Variants in VEGFC observed in about 807,000 individuals in gnomAD.
VEGFC encodes the protein vascular endothelial growth factor C.
A neutral mutation model predicts 46.1 loss-of-function variants in VEGFC; 12 were observed. The observed-to-expected ratio is 0.26, with a 90% CI of 0.17 to 0.42. The LOEUF is 0.42. VEGFC is among the 10% of genes least tolerant of loss of function. The pLI, the probability that VEGFC is intolerant of heterozygous loss-of-function variation, is 1.00. For missense variants in VEGFC, 488 were observed against 529.4 expected (o/e 0.92, Z 0.77); for synonymous variants, 232 against 195.5 (o/e 1.19, Z -1.56).
intron 1 of VEGFC, among the ~76,000 whole-genome samples, chr4:176,769,418 C>G (rs1735686807): frequency 6.6e-6 from 1 of 152,136 alleles, no homozygotes; most frequent in South Asian, 2.1e-4. Flanking sequence ...CACAGAAAAG[C>G]TCACAGAACA....
chr4:176,693,021 T>C (rs533777248), intron 4 of VEGFC, among the ~76,000 whole-genome samples: 1 of 151,356 alleles, frequency 6.6e-6, no homozygotes, highest in Admixed American at 6.6e-5. Context: ...ACCACAAAGA[T>C]GGGGAAAAAA....
chr4:176,770,979 T>TACACACACAC (rs148140472), intron 1 of VEGFC, among the ~76,000 whole-genome samples: 3,150 of 148,480 alleles, frequency 0.021, 74 homozygotes, highest in African/African-American at 0.05. Context: ...AAGTAACTGA[T>TACACACACAC]ACACACACAC....
chr4:176,769,746 A>G (rs551024487), intron 1 of VEGFC, among the ~76,000 whole-genome samples: 1 of 152,136 alleles, frequency 6.6e-6, no homozygotes, highest in South Asian at 2.1e-4. Flanking sequence ...CGTATACACT[A>G]TTTTGCCCAG....
At chr4:176,735,628 A>G (rs780636496) in intron 1 of VEGFC, among the ~76,000 whole-genome samples, 2 of 151,900 alleles carry the variant, frequency 1.3e-5, no homozygotes, top group Non-Finnish European at 2.9e-5. Context: ...GTTCAATGGA[A>G]ATTGTGAAAC....
At chr4:176,722,947 T>C (rs542680896) in intron 3 of VEGFC, among the ~76,000 whole-genome samples, 1 of 152,164 alleles carries the variant, frequency 6.6e-6, no homozygotes, top group African/African-American at 2.4e-5. Context: ...ATTAGACCAA[T>C]GCAGAAAATG....
At chr4:176,714,884 A>C (rs529098998) in intron 3 of VEGFC, among the ~76,000 whole-genome samples, 1 of 152,366 alleles carries the variant, frequency 6.6e-6, no homozygotes, top group South Asian at 2.1e-4. Flanking sequence ...ATTCACATTA[A>C]GAAAGCATCT....
chr4:176,696,507 A>C (rs1242453612), intron 4 of VEGFC, among the ~76,000 whole-genome samples: 8 of 149,052 alleles, frequency 5.4e-5, no homozygotes. Context: ...ATGGAAGAAC[A>C]TTCCATGCTC....
chr4:176,703,411 A>G (rs1307567250), intron 4 of VEGFC, among the ~76,000 whole-genome samples: 1 of 152,028 alleles, frequency 6.6e-6, no homozygotes, highest in Non-Finnish European at 1.5e-5. Context: ...CTCATTTATG[A>G]GAGCCAAAAA....
chr4:176,736,575 C>G (rs1735058331), intron 1 of VEGFC, among the ~76,000 whole-genome samples: 1 of 151,608 alleles, frequency 6.6e-6, no homozygotes, highest in South Asian at 2.1e-4. Flanking sequence ...CGTAACACTT[C>G]ATAAGTATTA....
intron 3 of VEGFC, among the ~76,000 whole-genome samples, chr4:176,713,724 G>A (rs1250429116): frequency 6.6e-6 from 1 of 152,094 alleles, no homozygotes; most frequent in Non-Finnish European, 1.5e-5. Flanking sequence ...TAGAAACCTG[G>A]GGCACAGGAA....
chr4:176,769,293 AC>A (rs1304280315), intron 1 of VEGFC, among the ~76,000 whole-genome samples: 1 of 152,128 alleles, frequency 6.6e-6, no homozygotes, highest in Non-Finnish European at 1.5e-5. Flanking sequence ...AAACTAAGAC[AC>A]CCTGTGACCC....
intron 2 of VEGFC, among the ~76,000 whole-genome samples, chr4:176,728,501 C>T (rs1734909696): frequency 6.6e-6 from 1 of 152,148 alleles, no homozygotes; most frequent in Non-Finnish European, 1.5e-5. Flanking sequence ...GCTGCAGCTA[C>T]ATAAAATACA....
At position 176,792,313 on chromosome 4, in the gene VEGFC, G is replaced by A. The variant is rs1392959094; in HGVS notation, c.-2C>T. On this transcript the variant is annotated 5_prime_UTR_variant, in exon 1 of 7. Coordinates refer to ENST00000618562, the MANE Select transcript of VEGFC (RefSeq NM_005429.5). The surrounding 1 kb of genome is among the most constrained non-coding windows in gnomAD (Gnocchi z 6.3). ...AGAGAAGAAGCCCAGCAAGTGCATG[G>A]TGGAAGGACCGGGGGTGGGGGACCG... 6.6e-7 allele frequency: 1 copy of A among 1,505,952 alleles called. No homozygotes were observed. Among genetic ancestry groups the A allele is most frequent in the Non-Finnish European group, 8.9e-7 (1 of 1,128,800 alleles). 93.3% of individuals were successfully genotyped at this position (1,505,952 alleles called of 1,614,324 possible).
rs1284729658 is a variant in VEGFC, at chr4:176,740,152, TTA to T, written c.148-10408_148-10407del. ...TAGAATATATAACTATATATAGAAG[TTA>T]TATATATAGAATATATATAACTATA... On this transcript the variant is annotated intron_variant, in intron 1 of 6. Transcript: ENST00000618562. 4.8e-4 allele frequency among the ~76,000 whole-genome samples: 61 copies of T among 127,192 alleles called. 1 individual carries two copies. The South Asian group carries it at 9.5e-3, about 20-fold the overall frequency. 83.4% of individuals were successfully genotyped at this position (127,192 alleles called of 152,430 possible).
intron 4 of VEGFC, among the ~76,000 whole-genome samples, chr4:176,700,891 T>C (rs139128112): frequency 8.2e-4 from 125 of 152,118 alleles, no homozygotes; most frequent in Admixed American, 2.0e-3. Flanking sequence ...AAAAACACGT[T>C]ATGAGGGTAT....
At chr4:176,759,666 A>T (rs905916214) in intron 1 of VEGFC, among the ~76,000 whole-genome samples, 10 of 152,170 alleles carry the variant, frequency 6.6e-5, no homozygotes, top group Admixed American at 6.6e-4. Flanking sequence ...TCATTCCACA[A>T]TGTACTTCAA....
intron 1 of VEGFC, among the ~76,000 whole-genome samples, chr4:176,779,550 T>A (rs1400819825): frequency 6.6e-6 from 1 of 152,168 alleles, no homozygotes; most frequent in Non-Finnish European, 1.5e-5. Flanking sequence ...GTACTACTCT[T>A]TCTGTGAGCA....
chr4:176,760,930 G>A (rs1341238211), intron 1 of VEGFC, among the ~76,000 whole-genome samples: 2 of 152,122 alleles, frequency 1.3e-5, no homozygotes, highest in Non-Finnish European at 2.9e-5. Context: ...TTCGCACATG[G>A]CAAAATCATA....
chr4:176,771,264 C>G (rs988420060), intron 1 of VEGFC, among the ~76,000 whole-genome samples: 13 of 152,018 alleles, frequency 8.6e-5, no homozygotes, highest in African/African-American at 3.1e-4. Flanking sequence ...ATAAACTGGC[C>G]AAACCCTAGT....
Sources: gnomAD v4.1 joint callset for allele counts (sites outside exome capture counted in the v4.1 genomes callset) on GRCh38, gnomAD v4.1.1 for gene constraint, Gnocchi (gnomAD v3.1) non-coding constraint, MANE v1.5 for transcripts, NCBI Gene and HGNC (gene_info 2026-07-23, HGNC 2026-07-21) for gene names.